The following GALNT18 variants were observed in gnomAD, a reference collection of about 807,000 sequenced individuals.
GALNT18 encodes GalNAc-transferase 18.
Under a neutral mutation model 69.5 loss-of-function variants are expected in GALNT18, and 44 were observed. That is an observed-to-expected ratio of 0.63 (90% CI 0.50 to 0.81). The LOEUF (loss-of-function observed/expected upper bound fraction) is 0.81. GALNT18 is among the 40% of genes least tolerant of loss of function. GALNT18 has a pLI of 0.00. For missense variants in GALNT18, 715 were observed against 810.0 expected (o/e 0.88, Z 1.42); for synonymous variants, 364 against 318.2 (o/e 1.14, Z -1.53).
intron 1 of GALNT18, among the ~76,000 whole-genome samples, chr11:11,503,369 C>G (rs952605048): frequency 7.2e-5 from 11 of 152,312 alleles, no homozygotes; most frequent in African/African-American, 2.4e-4. Flanking sequence ...AAGGGCCTGG[C>G]TCACTGTTGT....
At chr11:11,330,737 A>C (rs1850003828) in intron 8 of GALNT18, among the ~76,000 whole-genome samples, 1 of 152,214 alleles carries the variant, frequency 6.6e-6, no homozygotes, top group South Asian at 2.1e-4. Flanking sequence ...GATGGCATGG[A>C]GGGCCTACAT....
rs35028957 is a variant in GALNT18, at chr11:11,341,968, A to AT, written c.1093-965dup. 5.8e-3 allele frequency among the ~76,000 whole-genome samples: 761 copies of AT among 131,918 alleles called. 5 individuals are homozygous for AT. Among genetic ancestry groups the AT allele is most frequent in the African/African-American group, 0.016 (430 of 26,990 alleles). 86.5% of individuals were successfully genotyped at this position (131,918 alleles called of 152,430 possible). On this transcript the variant is annotated intron_variant, in intron 6 of 10. Transcript: ENST00000227756. This position sits in a 1 kb window ranked among gnomAD's most constrained non-coding sequence, Gnocchi z 6.3. The stretch of plus-strand genomic sequence containing the variant: ...GAGATCCTGTCTCTAAAACATTAAA[A>AT]TTTTTTTTTTTTTAAAAAGACCTTG...
intron 1 of GALNT18, among the ~76,000 whole-genome samples, chr11:11,517,040 C>T (rs1459352559): frequency 6.6e-6 from 1 of 152,224 alleles, no homozygotes; most frequent in East Asian, 1.9e-4. Context: ...TCCCAGAGAG[C>T]TCTCTTGTCC....
rs148300026 is a variant in GALNT18 at position 11,273,043 on chromosome 11, G to A, written c.1678-1753C>T. On this transcript the variant is annotated intron_variant, in intron 10 of 10. Coordinates refer to ENST00000227756, the MANE Select transcript of GALNT18 (RefSeq NM_198516.3). ...ATATATGAAAATCAAATCAAAATAG[G>A]TTAAAGACTTAAATCTAAGATTAGA... Among the ~76,000 whole-genome samples, 437 of 152,244 alleles carry A rather than the reference G, an allele frequency of 2.9e-3. 5 individuals are homozygous for A. The highest frequency in any genetic ancestry group is 9.8e-3 in the African/African-American group (408 of 41,538).
chr11:11,298,477 T>G (rs1849438245), intron 9 of GALNT18, among the ~76,000 whole-genome samples: 2 of 152,242 alleles, frequency 1.3e-5, no homozygotes, highest in Non-Finnish European at 2.9e-5. Context: ...CTGTGGCCCC[T>G]TACCCATTCC....
chr11:11,470,616 C>G lies in GALNT18; in HGVS notation c.236-21680G>C, dbSNP rs1182584281. ...TATATGATTCCTGTCTACTACTAAG[C>G]TAGCTGAGATATTGGCAGAGACAGG... On this transcript the variant is annotated intron_variant, in intron 1 of 10. Transcript: ENST00000227756. The surrounding 1 kb of genome is among the most constrained non-coding windows in gnomAD (Gnocchi z 4.8). Among the ~76,000 whole-genome samples the G allele has an allele frequency of 6.6e-6, 1 of 152,148 alleles. No homozygotes were observed. Among genetic ancestry groups the G allele is most frequent in the Admixed American group, 6.5e-5 (1 of 15,282 alleles).
At position 11,372,460 on chromosome 11, in the gene GALNT18, T is replaced by C; in HGVS notation, c.1092+55A>G. ...AAACCCCATTTCTCCACCCCCAGAC[T>C]CATTCACCCTGGTGGGAGCTGAGCC... On this transcript the variant is annotated intron_variant, in intron 6 of 10. Transcript: ENST00000227756. This position sits in a 1 kb window ranked among gnomAD's most constrained non-coding sequence, Gnocchi z 4.9. 7.3e-7 allele frequency: 1 copy of C among 1,361,116 alleles called. No homozygotes were observed. The highest frequency in any genetic ancestry group is 1.1e-6 in the Non-Finnish European group (1 of 949,356). 84.3% of individuals were successfully genotyped at this position (1,361,116 alleles called of 1,614,324 possible). A position where few individuals can be genotyped will look rare whatever the true frequency, so the allele number is the denominator to read the frequency against.
chr11:11,483,438 T>C (rs186073785), intron 1 of GALNT18, among the ~76,000 whole-genome samples: 1 of 152,214 alleles, frequency 6.6e-6, no homozygotes, highest in Non-Finnish European at 1.5e-5. Flanking sequence ...AACCAACTGC[T>C]GCCACAGACA....
intron 3 of GALNT18, among the ~76,000 whole-genome samples, chr11:11,384,330 T>C (rs758032078): frequency 3.9e-5 from 6 of 152,118 alleles, no homozygotes; most frequent in Non-Finnish European, 7.4e-5. Context: ...GAACAGAAAT[T>C]TATTTCTTCA....
rs549753406 is a variant in GALNT18, at chr11:11,459,269, C to T, written c.236-10333G>A. 3.3e-5 allele frequency among the ~76,000 whole-genome samples: 5 copies of T among 152,136 alleles called. No homozygotes were observed. Among genetic ancestry groups the T allele is most frequent in the Admixed American group, 6.5e-5 (1 of 15,270 alleles). On this transcript the variant is annotated intron_variant, in intron 1 of 10. Coordinates refer to ENST00000227756, the MANE Select transcript of GALNT18 (RefSeq NM_198516.3). This position sits in a 1 kb window ranked among gnomAD's most constrained non-coding sequence, Gnocchi z 5.0. ...CAATTAGGCTTTCTCTTCCTGGAAT[C>T]CTCAGAGCTGCCAAAAGAACGAAGT...
intron 1 of GALNT18, among the ~76,000 whole-genome samples, chr11:11,588,792 CT>C (rs1859284639): frequency 6.6e-6 from 1 of 152,182 alleles, no homozygotes; most frequent in Non-Finnish European, 1.5e-5. Context: ...GCCACTCTAC[CT>C]TTTGATGAGA....
Position 11,596,672 on chromosome 11 carries a change from T to C in GALNT18, c.235+24687A>G, listed in dbSNP as rs564558105. Among the ~76,000 whole-genome samples, 10 of 152,312 alleles carry C rather than the reference T, an allele frequency of 6.6e-5. No individual in the cohort carries two copies. In the East Asian group the frequency reaches 1.2e-3, roughly 18 times the overall value. The stretch of plus-strand genomic sequence containing the variant: ...TTTTCAGATCGCCCACTGATAGTGA[T>C]AGAAATACAATTTGTTTTTTTATAT... On this transcript the variant is annotated intron_variant, in intron 1 of 10. Transcript: ENST00000227756. The surrounding 1 kb of genome is among the most constrained non-coding windows in gnomAD (Gnocchi z 4.2).
rs1336408146 is a variant in GALNT18 at position 11,387,470 on chromosome 11, C to T, written c.596-8206G>A. Among the ~76,000 whole-genome samples, 1 of 152,202 alleles carries T rather than the reference C, an allele frequency of 6.6e-6. No individual in the cohort carries two copies. Among genetic ancestry groups the T allele is most frequent in the Non-Finnish European group, 1.5e-5 (1 of 68,042 alleles). On this transcript the variant is annotated intron_variant, in intron 3 of 10. Coordinates refer to ENST00000227756, the MANE Select transcript of GALNT18 (RefSeq NM_198516.3). The surrounding 1 kb of genome is among the most constrained non-coding windows in gnomAD (Gnocchi z 4.6). ...CCCACACCCCCACTAATCCACCTCC[C>T]ACTGACAAGTGCAATTAATTGCTTG... is the stretch of plus-strand genomic sequence containing the variant.
intron 1 of GALNT18, among the ~76,000 whole-genome samples, chr11:11,457,797 T>A (rs1318107246): frequency 2.7e-5 from 4 of 150,724 alleles, no homozygotes; most frequent in Non-Finnish European, 5.9e-5. Context: ...GCAGAGGGGA[T>A]CACTGAGAAG....
At chr11:11,373,629 T>A (rs917382985) in intron 5 of GALNT18, among the ~76,000 whole-genome samples, 1 of 152,258 alleles carries the variant, frequency 6.6e-6, no homozygotes, top group Non-Finnish European at 1.5e-5. Flanking sequence ...TGGAACAACC[T>A]GCCAACAGCT....
chr11:11,279,177 T>C (rs1406666322), intron 10 of GALNT18, among the ~76,000 whole-genome samples: 1 of 152,204 alleles, frequency 6.6e-6, no homozygotes, highest in East Asian at 1.9e-4. Context: ...TCCCTTCATC[T>C]TGTGACCTGC....
At chr11:11,328,372 G>A (rs1380308737) in intron 8 of GALNT18, among the ~76,000 whole-genome samples, 1 of 152,152 alleles carries the variant, frequency 6.6e-6, no homozygotes, top group Non-Finnish European at 1.5e-5. Context: ...CAGAATCCAG[G>A]GAAGACAAGG....
At chr11:11,597,663 CTT>C (rs1438591992) in intron 1 of GALNT18, among the ~76,000 whole-genome samples, 13 of 137,442 alleles carry the variant, frequency 9.5e-5, no homozygotes, top group Admixed American at 1.5e-4. Context: ...TTTGAGTATT[CTT>C]TTTTTTTTTT....
At chr11:11,597,694 T>A (rs1859534672) in intron 1 of GALNT18, among the ~76,000 whole-genome samples, 1 of 150,416 alleles carries the variant, frequency 6.6e-6, no homozygotes, top group African/African-American at 2.5e-5. Context: ...AGAATCTCAC[T>A]CTGTCATCCA....
Sources: gnomAD v4.1 joint callset for allele counts (sites outside exome capture counted in the v4.1 genomes callset) on GRCh38, gnomAD v4.1.1 for gene constraint, Gnocchi (gnomAD v3.1) non-coding constraint, MANE v1.5 for transcripts, NCBI Gene and HGNC (gene_info 2026-07-23, HGNC 2026-07-21) for gene names.